RHBDL3: variants seen among roughly 807,000 people sequenced by gnomAD.
The protein encoded by RHBDL3 is rhomboid-related protein 3.
Under a neutral mutation model 48.2 loss-of-function variants are expected in RHBDL3, and 28 were observed. The ratio of observed to expected loss-of-function variants is 0.58; its 90% CI spans 0.43 to 0.80. RHBDL3 has a LOEUF of 0.80. RHBDL3 is among the 30% of genes least tolerant of loss of function. The probability of loss-of-function intolerance (pLI) is 0.00; values close to 1 mark genes in which losing one functional copy is unlikely to be tolerated. For synonymous variants in RHBDL3, 208 were observed against 232.3 expected (o/e 0.90, Z 0.95); for missense variants, 464 against 542.7 (o/e 0.85, Z 1.44).
intron 4 of RHBDL3, among the ~76,000 whole-genome samples, chr17:32,291,521 A>T (rs934758711): frequency 6.6e-5 from 10 of 150,732 alleles, no homozygotes; most frequent in African/African-American, 2.4e-4. Context: ...TCTCTACTAA[A>T]AATACAAAAA....
At chr17:32,281,123 A>G (rs2040032020) in intron 2 of RHBDL3, among the ~76,000 whole-genome samples, 1 of 152,192 alleles carries the variant, frequency 6.6e-6, no homozygotes, top group Non-Finnish European at 1.5e-5. Context: ...GTTTTGGCAG[A>G]GAACCGAGGC....
chr17:32,309,500 C>G (rs549074658), intron 7 of RHBDL3, among the ~76,000 whole-genome samples: 1 of 151,812 alleles, frequency 6.6e-6, no homozygotes, highest in Admixed American at 6.6e-5. Flanking sequence ...TGTGGTGAGC[C>G]GAGATCACGC....
At chr17:32,309,770 CTTTTTTTTTTTTT>C (rs11346917) in intron 7 of RHBDL3, among the ~76,000 whole-genome samples, 73,495 of 125,902 alleles carry the variant, frequency 0.58, 20,580 homozygotes, top group Non-Finnish European at 0.62. Flanking sequence ...ATCAAGACTT[CTTTTTTTTTTTTT>C]TTTTTTTTTT....
intron 8 of RHBDL3, among the ~76,000 whole-genome samples, chr17:32,318,241 G>A (rs2041022227): frequency 1.3e-5 from 2 of 151,192 alleles, no homozygotes. Flanking sequence ...TATGCCTATA[G>A]TCCTAGCCCA....
chr17:32,268,635 G>GA (rs1174848524), intron 2 of RHBDL3, among the ~76,000 whole-genome samples: 1 of 152,208 alleles, frequency 6.6e-6, no homozygotes, highest in Non-Finnish European at 1.5e-5. Flanking sequence ...GAGGATAGTT[G>GA]AGTGCTATAG....
intron 6 of RHBDL3, 117 bp downstream of exon 6, chr17:32,298,321 G>A (rs911359735): frequency 1.1e-5 from 7 of 630,938 alleles, no homozygotes; most frequent in African/African-American, 1.8e-5. Flanking sequence ...TCATCTCCAA[G>A]GCTCCTGACT....
chr17:32,321,453 C>A lies in RHBDL3; in HGVS notation c.*224C>A. ...TGGCTGCTGTCGTTTTTCTCGGCTG[C>A]TCTGATGACATCGGGCCAGGGTGAA... is the stretch of plus-strand genomic sequence containing the variant. On this transcript the variant is annotated 3_prime_UTR_variant, in exon 9 of 9. Transcript: ENST00000269051. 7.6e-7 allele frequency: 1 copy of A among 1,314,772 alleles called. No homozygotes were observed. The highest frequency in any genetic ancestry group is 1.0e-6 in the Non-Finnish European group (1 of 963,928). The allele number at this position is 1,314,772 out of a possible 1,614,324, so 81.4% of individuals were successfully genotyped here. A position where few individuals can be genotyped will look rare whatever the true frequency, so the allele number is the denominator to read the frequency against.
rs145167148 is a variant in RHBDL3 at position 32,273,304 on chromosome 17, G to A, written c.135+5379G>A. Reference sequence around the variant, plus strand: ...GGCGCGAGCCACCGCGCCCAGCCCAGTCCGCTCATTTTGCAAATGAGGAAA... The same window carrying A: ...GGCGCGAGCCACCGCGCCCAGCCCAATCCGCTCATTTTGCAAATGAGGAAA... On this transcript the variant is annotated intron_variant, in intron 2 of 8. Coordinates refer to ENST00000269051, the MANE Select transcript of RHBDL3 (RefSeq NM_138328.3). Among the ~76,000 whole-genome samples the A allele has an allele frequency of 6.1e-3, 926 of 152,296 alleles. 17 individuals carry two copies. The highest frequency in any genetic ancestry group is 0.02 in the African/African-American group (844 of 41,562).
rs1242238531 is a variant in RHBDL3, at chr17:32,298,213, G to A, written c.781+9G>A. 3.1e-6 allele frequency: 5 copies of A among 1,591,614 alleles called. No individual in the cohort carries two copies. Among genetic ancestry groups the A allele is most frequent in the Non-Finnish European group, 4.3e-6 (5 of 1,160,212 alleles). ...GGCCGGTGTTGTGGCAGGTAGGCAG[G>A]TAGGCCCCGTGTCCACAAAGGCACA... On this transcript the variant is annotated intron_variant, in intron 6 of 8. Transcript: ENST00000269051.
At chr17:32,289,172 A>G (rs2040269144) in intron 4 of RHBDL3, among the ~76,000 whole-genome samples, 156 bp downstream of exon 4, 1 of 152,226 alleles carries the variant, frequency 6.6e-6, no homozygotes, top group Non-Finnish European at 1.5e-5. Context: ...TTGTATTGCA[A>G]ATCAGACTCT....
intron 7 of RHBDL3, among the ~76,000 whole-genome samples, chr17:32,313,947 C>T (rs1042345542): frequency 6.6e-6 from 1 of 151,796 alleles, no homozygotes. Flanking sequence ...TTAGTAGAGA[C>T]GGGATTTCAC....
chr17:32,309,381 C>T (rs1235974316), intron 7 of RHBDL3, among the ~76,000 whole-genome samples: 5 of 152,040 alleles, frequency 3.3e-5, no homozygotes, highest in African/African-American at 4.8e-5. Context: ...GGAGAAACCC[C>T]GTCTCTACTA....
chr17:32,288,830 C>T lies in RHBDL3; in HGVS notation c.333C>T (p.Ile111=). Residue 111 remains isoleucine (I), a synonymous_variant, in exon 4 of 9, where the codon ATC becomes ATT. Coordinates refer to ENST00000269051, the MANE Select transcript of RHBDL3 (RefSeq NM_138328.3). The part of the protein sequence containing the change: ...NKRSNSFRQA[I]LQGNRRLSSK... The stretch of plus-strand genomic sequence containing the variant: ...GTTCCAACAGCTTCCGCCAAGCCAT[C>T]CTGCAGGGCAACCGCAGGCTAAGCA... The T allele has an allele frequency of 1.2e-6, 2 of 1,613,866 alleles. No homozygotes were observed. Among genetic ancestry groups the T allele is most frequent in the Non-Finnish European group, 1.7e-6 (2 of 1,179,916 alleles).
At chr17:32,270,262 C>A (rs1164621564) in intron 2 of RHBDL3, among the ~76,000 whole-genome samples, 1 of 151,528 alleles carries the variant, frequency 6.6e-6, no homozygotes, top group African/African-American at 2.4e-5. Context: ...TTCCAGAGAT[C>A]AATGGCATGG....
intron 3 of RHBDL3, chr17:32,288,511 C>T (rs983274215): frequency 5.7e-5 from 24 of 420,940 alleles, no homozygotes; most frequent in African/African-American, 4.5e-4. Context: ...CTAAAGCTCT[C>T]GGTGTCTCAG....
chr17:32,279,484 G>T (rs939250936), intron 2 of RHBDL3, among the ~76,000 whole-genome samples: 3 of 152,086 alleles, frequency 2.0e-5, no homozygotes, highest in Admixed American at 1.3e-4. Flanking sequence ...CTGATTCCCT[G>T]ACCTGCTGTC....
chr17:32,319,339 G>T (rs752834428), intron 8 of RHBDL3, among the ~76,000 whole-genome samples: 5 of 148,240 alleles, frequency 3.4e-5, no homozygotes, highest in African/African-American at 5.0e-5. Flanking sequence ...GGAGAATGGC[G>T]TGAACCCGGG....
intron 4 of RHBDL3, among the ~76,000 whole-genome samples, chr17:32,293,304 G>A (rs912992433): frequency 1.3e-5 from 2 of 152,070 alleles, no homozygotes; most frequent in Admixed American, 6.6e-5. Flanking sequence ...GATTAAGGCC[G>A]GGCGCAGTGG....
rs772103945 is a variant in RHBDL3 at position 32,288,772 on chromosome 17, C to T, written c.295-20C>T. ...CTGGGCCCCAGCTCTGACCCTCTCC[C>T]CACTCCATTTCCTGCACAGATGAGC... is the stretch of plus-strand genomic sequence containing the variant. On this transcript the variant is annotated intron_variant, in intron 3 of 8. Transcript: ENST00000269051. 1 of 1,587,296 alleles carries T rather than the reference C, an allele frequency of 6.3e-7. No homozygotes were observed. Among genetic ancestry groups the T allele is most frequent in the Non-Finnish European group, 8.6e-7 (1 of 1,162,830 alleles).
Sources: allele counts gnomAD v4.1 joint callset (sites outside exome capture counted in the v4.1 genomes callset), GRCh38; gene constraint gnomAD v4.1.1; transcripts MANE v1.5; gene names NCBI Gene and HGNC (gene_info 2026-07-23, HGNC 2026-07-21).